RBM28: variants seen among roughly 807,000 people sequenced by gnomAD.
RBM28 encodes RNA-binding protein 28.
In RBM28, 78 loss-of-function variants were observed where a neutral mutation model predicts 98.3. That is an observed-to-expected ratio of 0.79 (90% CI 0.66 to 0.96). RBM28 has a LOEUF of 0.96. RBM28 is among the 40% of genes least tolerant of loss of function. The pLI is 0.00. For missense variants in RBM28, 838 were observed against 913.0 expected (o/e 0.92, Z 1.06); for synonymous variants, 306 against 330.9 (o/e 0.92, Z 0.82).
intron 13 of RBM28, among the ~76,000 whole-genome samples, chr7:128,322,013 A>G (rs976489459): frequency 6.6e-6 from 1 of 150,436 alleles, no homozygotes; most frequent in South Asian, 2.1e-4. Flanking sequence ...GTGCCATTGC[A>G]CTCCAGCCTG....
At chr7:128,330,506 C>G (rs1365734502) in intron 10 of RBM28, among the ~76,000 whole-genome samples, 1 of 151,672 alleles carries the variant, frequency 6.6e-6, no homozygotes, top group Non-Finnish European at 1.5e-5. Flanking sequence ...CTCAGCCTCC[C>G]AGGTAGCTGG....
rs1795750946 is a variant in RBM28, at chr7:128,299,339, G to C, written c.*11458C>G. ...CCCTAGTTGTCCCATGCCTGGCCCT[G>C]GAGTGATTTAGGGCAGGGGGAATAT... is the stretch of plus-strand genomic sequence containing the variant. On this transcript the variant is annotated 3_prime_UTR_variant, in exon 19 of 19. Transcript: ENST00000223073. The C allele has an allele frequency of 6.6e-6, 1 of 152,232 alleles. No individual in the cohort carries two copies. Among genetic ancestry groups the C allele is most frequent in the African/African-American group, 2.4e-5 (1 of 41,434 alleles). 9.4% of individuals were successfully genotyped at this position (152,232 alleles called of 1,614,324 possible). A position where few individuals can be genotyped will look rare whatever the true frequency, so the allele number is the denominator to read the frequency against.
In RBM28 at chr7:128,335,937, T is replaced by C; in HGVS notation, c.719A>G (p.Asp240Gly). Residue 240 changes from aspartate to glycine, a missense_variant, in exon 7 of 19, where the codon GAT (aspartate) becomes GGT (glycine). By Grantham distance (94) the Asp-to-Gly change is moderately conservative. Coordinates refer to ENST00000223073, the MANE Select transcript of RBM28 (RefSeq NM_018077.3). ...EEENDDDDDD[D>G]DEEDGVFDDE... Reference sequence around the variant, plus strand: ...ATCAAAAACCCCATCTTCTTCATCATCATCATCGTCATCATCATCGTTTTC... The same window carrying C: ...ATCAAAAACCCCATCTTCTTCATCACCATCATCGTCATCATCATCGTTTTC... The C allele has an allele frequency of 1.2e-6, 2 of 1,604,634 alleles. No homozygotes were observed. The highest frequency in any genetic ancestry group is 1.7e-6 in the Non-Finnish European group (2 of 1,171,530).
intron 14 of RBM28, among the ~76,000 whole-genome samples, chr7:128,320,852 C>T (rs971242016): frequency 6.6e-6 from 1 of 152,210 alleles, no homozygotes; most frequent in Non-Finnish European, 1.5e-5. Flanking sequence ...GCTATGCATG[C>T]TGACAACATG....
At chr7:128,336,205 A>C (rs111926941) in intron 6 of RBM28, among the ~76,000 whole-genome samples, 163 bp from the exon 7 acceptor site, 15 of 152,348 alleles carry the variant, frequency 9.8e-5, no homozygotes, top group Middle Eastern at 3.4e-3. Flanking sequence ...GAAAAGAAAA[A>C]GCAAAAACAG....
chr7:128,338,878 A>G, intron 3 of RBM28, 77 bp from the exon 4 acceptor site: 1 of 1,010,626 alleles, frequency 9.9e-7, no homozygotes, highest in Non-Finnish European at 1.6e-6. Context: ...TACTAAATTC[A>G]TTAATTATGA....
intron 8 of RBM28, among the ~76,000 whole-genome samples, chr7:128,333,766 G>A (rs1290254786): frequency 6.6e-6 from 1 of 152,036 alleles, no homozygotes. Flanking sequence ...GACATGCTAA[G>A]TATATGAAAA....
In RBM28 at chr7:128,333,308, C is replaced by G. The variant is rs1369632246; in HGVS notation, c.1001G>C (p.Gly334Ala). The part of the protein sequence containing the change: ...KRKLPSDVNE[G>A]KTVFIRNLSF... Reference sequence around the variant, plus strand: ...GACATACCTGATAAAAACAGTTTTCCCTTCATTCACATCAGAGGGTAATTT... The same window carrying G: ...GACATACCTGATAAAAACAGTTTTCGCTTCATTCACATCAGAGGGTAATTT... The change falls in exon 9 of 19, where the codon GGG (glycine) becomes GCG (alanine). Residue 334 changes from glycine to alanine, a missense_variant. By Grantham distance (60) the Gly-to-Ala change is moderately conservative (BLOSUM62 0). Transcript: ENST00000223073. The G allele has an allele frequency of 1.2e-6, 2 of 1,603,776 alleles. No homozygotes were observed.
At chr7:128,315,630 A>G (rs1177795371) in intron 16 of RBM28, among the ~76,000 whole-genome samples, 1 of 152,216 alleles carries the variant, frequency 6.6e-6, no homozygotes, top group East Asian at 1.9e-4. Flanking sequence ...GTAGATTGAG[A>G]GAGATTTCCA....
Position 128,301,570 on chromosome 7 carries a change from T to A in RBM28, c.*9227A>T, listed in dbSNP as rs1008045448. On this transcript the variant is annotated 3_prime_UTR_variant, in exon 19 of 19. Transcript: ENST00000223073. ...TTCCTGCTTTTGTCTCTAGCCTTCCTAGAGTAGCTCAGATCAGTTCACACC... is the reference window on the plus strand; with the variant it reads ...TTCCTGCTTTTGTCTCTAGCCTTCCAAGAGTAGCTCAGATCAGTTCACACC... The A allele has an allele frequency of 6.6e-6, 1 of 152,364 alleles. No homozygotes were observed. The highest frequency in any genetic ancestry group is 1.5e-5 in the Non-Finnish European group (1 of 68,182). The allele number at this position is 152,364 out of a possible 1,614,324, so 9.4% of individuals were successfully genotyped here. A position where few individuals can be genotyped will look rare whatever the true frequency, so the allele number is the denominator to read the frequency against.
rs142141865 is a variant in RBM28, at chr7:128,301,428, CCT to C, written c.*9367_*9368del. On this transcript the variant is annotated 3_prime_UTR_variant, in exon 19 of 19. Coordinates refer to ENST00000223073, the MANE Select transcript of RBM28 (RefSeq NM_018077.3). Reference sequence around the variant, plus strand: ...CTTCACAGGGCTGCAGCATCAGCAGCCTCTCTTGCCTGTCCGTCAGCACTGAC... The same window carrying C: ...CTTCACAGGGCTGCAGCATCAGCAGCCTCTTGCCTGTCCGTCAGCACTGAC... The C allele has an allele frequency of 0.045, 6,831 of 152,378 alleles. 229 individuals carry two copies. Among genetic ancestry groups the C allele is most frequent in the Non-Finnish European group, 0.07 (4,734 of 68,076 alleles). 9.4% of individuals were successfully genotyped at this position (152,378 alleles called of 1,614,324 possible).
Position 128,343,590 on chromosome 7 carries a change from A to G in RBM28, c.118+86T>C, listed in dbSNP as rs1397831122. The G allele has an allele frequency of 8.3e-6, 8 of 963,736 alleles. No individual in the cohort carries two copies. The African/African-American group carries it at 9.9e-5, about 12-fold the overall frequency. The allele number at this position is 963,736 out of a possible 1,614,324, so 59.7% of individuals were successfully genotyped here. ...CCTGTCCCTTCTCTTCGGGGAGGGT[A>G]AAGAATGATACGGCTCCCTGAAGTT... is the stretch of plus-strand genomic sequence containing the variant. On this transcript the variant is annotated intron_variant, in intron 1 of 18. Coordinates refer to ENST00000223073, the MANE Select transcript of RBM28 (RefSeq NM_018077.3).
At chr7:128,343,073 G>A (rs1796762928) in intron 1 of RBM28, among the ~76,000 whole-genome samples, 1 of 152,126 alleles carries the variant, frequency 6.6e-6, no homozygotes, top group African/African-American at 2.4e-5. Flanking sequence ...CCACCTTGAA[G>A]ACATAAAATC....
chr7:128,330,163 GA>G (rs936622591), intron 10 of RBM28, among the ~76,000 whole-genome samples: 3 of 150,062 alleles, frequency 2.0e-5, no homozygotes, highest in Non-Finnish European at 4.4e-5. Context: ...AAAGCAACAG[GA>G]AAAAAAAAGA....
chr7:128,335,393 T>C, intron 8 of RBM28, 150 bp downstream of exon 8: 1 of 972,606 alleles, frequency 1.0e-6, no homozygotes. Flanking sequence ...GAAAGGAGTA[T>C]AAAGGTTTCC....
At chr7:128,334,697 A>G (rs1388442429) in intron 8 of RBM28, among the ~76,000 whole-genome samples, 1 of 152,216 alleles carries the variant, frequency 6.6e-6, no homozygotes, top group African/African-American at 2.4e-5. Context: ...GTTTTACAAC[A>G]TGTTCAAAGA....
At chr7:128,317,387 C>G (rs1444618888) in intron 16 of RBM28, among the ~76,000 whole-genome samples, 1 of 152,180 alleles carries the variant, frequency 6.6e-6, no homozygotes, top group South Asian at 2.1e-4. Flanking sequence ...AATTTTGGCA[C>G]GTACTATCAC....
At chr7:128,316,436 C>A (rs1796109115) in intron 16 of RBM28, among the ~76,000 whole-genome samples, 1 of 152,178 alleles carries the variant, frequency 6.6e-6, no homozygotes, top group South Asian at 2.1e-4. Flanking sequence ...CTAGGCTGGG[C>A]TCAGTGACTC....
chr7:128,335,516 A>G (rs1048706103), intron 8 of RBM28, 27 bp downstream of exon 8: 8 of 1,614,056 alleles, frequency 5.0e-6, no homozygotes, highest in Non-Finnish European at 5.9e-6. Flanking sequence ...TTAAAGTCTA[A>G]AGACATTTAT....
Sources: gnomAD v4.1 joint callset for allele counts (sites outside exome capture counted in the v4.1 genomes callset) on GRCh38, gnomAD v4.1.1 for gene constraint, MANE v1.5 for transcripts, NCBI Gene and HGNC (gene_info 2026-07-23, HGNC 2026-07-21) for gene names.